The following CACNA2D1 variants were observed in gnomAD, a reference collection of about 807,000 sequenced individuals.
CACNA2D1 encodes the protein calcium voltage-gated channel auxiliary subunit alpha2delta 1, also known as voltage-dependent calcium channel subunit alpha-2/delta-1.
A neutral mutation model predicts 171.5 loss-of-function variants in CACNA2D1; 53 were observed. The observed-to-expected ratio is 0.31, with a 90% CI of 0.25 to 0.39. CACNA2D1 has a LOEUF of 0.39. Among genes scored for constraint, CACNA2D1 ranks in the 10% least tolerant of loss-of-function variants. CACNA2D1 has a pLI of 1.00. For synonymous variants in CACNA2D1, 442 were observed against 443.1 expected, an observed-to-expected ratio of 1.00 and a Z score of 0.03; for missense variants, 903 against 1,299.8, an observed-to-expected ratio of 0.69 and a Z score of 4.69.
intron 3 of CACNA2D1, among the ~76,000 whole-genome samples, chr7:82,258,629 C>A (rs1806598472): frequency 6.6e-6 from 1 of 152,078 alleles, no homozygotes; most frequent in South Asian, 2.1e-4. Flanking sequence ...AAATACATCA[C>A]CAAGAAAGCT....
intron 6 of CACNA2D1, among the ~76,000 whole-genome samples, chr7:82,099,744 C>T (rs1273072194): frequency 1.7e-5 from 1 of 57,752 alleles, no homozygotes. Flanking sequence ...CCACCGCGCC[C>T]GGCCGCAATA....
At chr7:82,297,640 T>C (rs1304910835) in intron 3 of CACNA2D1, among the ~76,000 whole-genome samples, 1 of 152,210 alleles carries the variant, frequency 6.6e-6, no homozygotes, top group African/African-American at 2.4e-5. Context: ...GGCTACGTTT[T>C]TATTCCTGAG....
rs1024526467 is a variant in CACNA2D1 at position 82,023,621 on chromosome 7, G to A, written c.1144-9142C>T. 4.0e-5 allele frequency among the ~76,000 whole-genome samples: 6 copies of A among 151,452 alleles called. 1 individual carries two copies. The highest frequency in any genetic ancestry group is 2.6e-4 in the Admixed American group (4 of 15,140). ...AGCTCACCAAACTTTCTTTCAAGATGTTGTAATTTTTCTGTATTTCTAAAT... is the reference window on the plus strand; with the variant it reads ...AGCTCACCAAACTTTCTTTCAAGATATTGTAATTTTTCTGTATTTCTAAAT... On this transcript the variant is annotated intron_variant, in intron 12 of 38. Coordinates refer to ENST00000356860, the MANE Select transcript of CACNA2D1 (RefSeq NM_000722.4).
chr7:81,978,737 AT>A (rs1435170758), intron 24 of CACNA2D1, among the ~76,000 whole-genome samples: 21 of 133,922 alleles, frequency 1.6e-4, no homozygotes, highest in Non-Finnish European at 2.2e-4. Context: ...GTTAAAGTAA[AT>A]TTTTTTTAAA....
intron 1 of CACNA2D1, among the ~76,000 whole-genome samples, chr7:82,379,076 A>G (rs185305825): frequency 6.6e-6 from 1 of 151,934 alleles, no homozygotes; most frequent in Non-Finnish European, 1.5e-5. Flanking sequence ...TGTCTCTGTT[A>G]AATTGTGTTT....
chr7:82,256,846 T>C (rs971951872), intron 3 of CACNA2D1, among the ~76,000 whole-genome samples: 3 of 152,184 alleles, frequency 2.0e-5, no homozygotes, highest in African/African-American at 7.2e-5. Flanking sequence ...TTAGGTAAGA[T>C]ACATTTCACA....
At chr7:82,432,978 G>C (rs1450523967) in intron 1 of CACNA2D1, among the ~76,000 whole-genome samples, 1 of 152,166 alleles carries the variant, frequency 6.6e-6, no homozygotes, top group Admixed American at 6.5e-5. Flanking sequence ...TTGAGGTCAG[G>C]AGTTCGAGAC....
chr7:82,160,839 A>T (rs967086958), intron 4 of CACNA2D1, among the ~76,000 whole-genome samples: 4 of 152,092 alleles, frequency 2.6e-5, no homozygotes, highest in Non-Finnish European at 4.4e-5. Flanking sequence ...TCTTCTATTT[A>T]ACTGACTAAA....
chr7:82,296,266 T>C (rs1262538156), intron 3 of CACNA2D1, among the ~76,000 whole-genome samples: 1 of 145,596 alleles, frequency 6.9e-6, no homozygotes, highest in Non-Finnish European at 1.5e-5. Context: ...TAATAATAAT[T>C]AAAAAAAAAA....
chr7:82,437,461 A>T (rs949506173), intron 1 of CACNA2D1, among the ~76,000 whole-genome samples: 4 of 152,152 alleles, frequency 2.6e-5, no homozygotes, highest in African/African-American at 9.7e-5. Context: ...ATGATACAGA[A>T]TTTTAAATGT....
chr7:82,355,965 T>C (rs769139396), intron 1 of CACNA2D1, among the ~76,000 whole-genome samples: 3 of 152,040 alleles, frequency 2.0e-5, no homozygotes, highest in Non-Finnish European at 2.9e-5. Flanking sequence ...CTCCCCATAC[T>C]ATAAACCCTC....
chr7:81,970,546 ACAATGGCTCCAATGTAATCTAATGG>A, intron 27 of CACNA2D1, 104 bp downstream of exon 27: 1 of 709,134 alleles, frequency 1.4e-6, no homozygotes. Context: ...AATACTGTAA[ACAATGGCTCCAATGTAATCTAATGG>A]CAATCAGTTT....
intron 3 of CACNA2D1, among the ~76,000 whole-genome samples, chr7:82,174,381 T>C (rs1466514692): frequency 6.6e-6 from 1 of 152,130 alleles, no homozygotes; most frequent in Non-Finnish European, 1.5e-5. Flanking sequence ...ATACCACATG[T>C]ATATATGAAA....
intron 3 of CACNA2D1, among the ~76,000 whole-genome samples, chr7:82,240,172 C>G (rs927856185): frequency 6.6e-6 from 1 of 152,140 alleles, no homozygotes; most frequent in Admixed American, 6.5e-5. Context: ...AACCCCATCC[C>G]TGGCACTCAG....
chr7:82,074,935 C>T (rs888019389), intron 7 of CACNA2D1, among the ~76,000 whole-genome samples: 5 of 151,948 alleles, frequency 3.3e-5, no homozygotes, highest in Non-Finnish European at 1.5e-5. Flanking sequence ...CATAGGTACA[C>T]ATGTGCCACG....
chr7:82,197,091 T>A (rs1798928737), intron 3 of CACNA2D1, among the ~76,000 whole-genome samples: 2 of 152,150 alleles, frequency 1.3e-5, no homozygotes, highest in South Asian at 4.1e-4. Flanking sequence ...AATAAATGCC[T>A]TAATTGTTTT....
rs114177606 is a variant in CACNA2D1, at chr7:82,061,924, T to A, written c.780-1397A>T. On this transcript the variant is annotated intron_variant, in intron 9 of 38. Transcript: ENST00000356860. ...CTAGAAATGCAAAAGCCTGAAAAGA[T>A]ATCTCAAAAGCCCCATCTGAGGTTC... Among the ~76,000 whole-genome samples the A allele has an allele frequency of 7.7e-3, 1,173 of 152,224 alleles. 15 individuals carry two copies. Among genetic ancestry groups the A allele is most frequent in the African/African-American group, 0.027 (1,106 of 41,550 alleles).
At chr7:82,014,820 C>T (rs573036207) in intron 12 of CACNA2D1, among the ~76,000 whole-genome samples, 2 of 152,184 alleles carry the variant, frequency 1.3e-5, no homozygotes, top group East Asian at 3.9e-4. Context: ...TCGGGAGGCC[C>T]AGGCGGGCAG....
intron 1 of CACNA2D1, among the ~76,000 whole-genome samples, chr7:82,420,554 G>A (rs1828618638): frequency 6.6e-6 from 1 of 152,064 alleles, no homozygotes; most frequent in African/African-American, 2.4e-5. Context: ...CACTCTCATT[G>A]TCAGATAAAA....
Sources: gnomAD v4.1 joint callset for allele counts (sites outside exome capture counted in the v4.1 genomes callset) on GRCh38, gnomAD v4.1.1 for gene constraint, MANE v1.5 for transcripts, NCBI Gene and HGNC (gene_info 2026-07-23, HGNC 2026-07-21) for gene names.